STK32A: variants seen among roughly 807,000 people sequenced by gnomAD.
STK32A encodes serine/threonine-protein kinase 32A.
A neutral mutation model predicts 53.2 loss-of-function variants in STK32A; 41 were observed. The observed-to-expected ratio is 0.77, with a 90% CI of 0.60 to 1.00. The LOEUF (loss-of-function observed/expected upper bound fraction) is 1.00, where lower values mean the gene tolerates loss of function less well. Ranked by LOEUF, STK32A falls within the 50% of genes least tolerant of loss-of-function variation. The pLI, the probability that STK32A is intolerant of heterozygous loss-of-function variation, is 0.00. For missense variants in STK32A, 458 were observed against 485.8 expected, an observed-to-expected ratio of 0.94 and a Z score of 0.54; for synonymous variants, 166 against 162.8, an observed-to-expected ratio of 1.02 and a Z score of -0.15.
At chr5:147,252,742 C>G (rs540562287) in intron 2 of STK32A, among the ~76,000 whole-genome samples, 1 of 152,306 alleles carries the variant, frequency 6.6e-6, no homozygotes, top group East Asian at 1.9e-4. Context: ...CATCTCCATT[C>G]TAGCAGCCCT....
chr5:147,276,014 G>A (rs186452909), intron 2 of STK32A, among the ~76,000 whole-genome samples: 3 of 152,288 alleles, frequency 2.0e-5, no homozygotes, highest in Admixed American at 2.0e-4. Context: ...AGGCTAGACT[G>A]GCAGTGGAGA....
chr5:147,312,430 G>A (rs1753749508), intron 4 of STK32A, among the ~76,000 whole-genome samples: 1 of 152,088 alleles, frequency 6.6e-6, no homozygotes, highest in Admixed American at 6.6e-5. Flanking sequence ...ATATTATATG[G>A]TAGTTCTCTC....
intron 1 of STK32A, 72 bp downstream of exon 1, chr5:147,235,271 G>T (rs1469053257): frequency 1.3e-5 from 2 of 152,364 alleles, no homozygotes; most frequent in Non-Finnish European, 2.9e-5. Context: ...GGGAAGCTAG[G>T]AAGTGCAAGG....
At chr5:147,243,750 G>C (rs892084410) in intron 2 of STK32A, among the ~76,000 whole-genome samples, 1 of 113,118 alleles carries the variant, frequency 8.8e-6, no homozygotes, top group Admixed American at 9.0e-5. Context: ...AAAAAAAACG[G>C]CTTGCTTATT....
intron 2 of STK32A, among the ~76,000 whole-genome samples, chr5:147,276,532 G>A (rs972426564): frequency 2.0e-5 from 3 of 152,098 alleles, no homozygotes; most frequent in Non-Finnish European, 4.4e-5. Flanking sequence ...TTGTTCTGGG[G>A]TTCTTGTGTA....
intron 2 of STK32A, among the ~76,000 whole-genome samples, chr5:147,267,936 G>A (rs887752309): frequency 1.3e-5 from 2 of 152,114 alleles, no homozygotes; most frequent in Non-Finnish European, 2.9e-5. Flanking sequence ...TCCCACCTTA[G>A]AACTCCTATA....
intron 2 of STK32A, among the ~76,000 whole-genome samples, chr5:147,254,757 AATCGGACTGAGTTAGGGTGGAGCAGGTG>A (rs1754150515): frequency 6.6e-6 from 1 of 152,186 alleles, no homozygotes; most frequent in South Asian, 2.1e-4. Context: ...GATAGCAGGT[AATCGGACTGAGTTAGGGTGGAGCAGGTG>A]ATCTGAATGA....
intron 10 of STK32A, among the ~76,000 whole-genome samples, chr5:147,374,387 T>C (rs1473670666): frequency 6.6e-6 from 1 of 151,736 alleles, no homozygotes; most frequent in Non-Finnish European, 1.5e-5. Flanking sequence ...CATGCTCCAA[T>C]GAGAGGGTAA....
Position 147,309,307 on chromosome 5 carries a change from G to A in STK32A, c.261-14591G>A, listed in dbSNP as rs1018535958. On this transcript the variant is annotated intron_variant, in intron 4 of 12. Coordinates refer to ENST00000397936, the MANE Select transcript of STK32A (RefSeq NM_001112724.2). ...TGCCATTGCCTGTGTTTTCCCTGTG[G>A]TATATGAGGCCATCCACTGAGAATG... Among the ~76,000 whole-genome samples the A allele has an allele frequency of 3.9e-5, 6 of 152,262 alleles. No homozygotes were observed. The East Asian group carries it at 1.2e-3, about 29-fold the overall frequency.
At chr5:147,396,953 C>G in the STK32A span, among the ~76,000 whole-genome samples, 1 of 112,074 alleles carries the variant, frequency 8.9e-6, no homozygotes, top group South Asian at 2.9e-4. Flanking sequence ...TTTATTTATA[C>G]GCATTTTTGT....
intron 9 of STK32A, among the ~76,000 whole-genome samples, chr5:147,371,759 A>T (rs1413571575): frequency 6.6e-6 from 1 of 152,194 alleles, no homozygotes; most frequent in Non-Finnish European, 1.5e-5. Context: ...AACTCAAGTC[A>T]CAAGGTGTCT....
At chr5:147,397,299 A>G in the STK32A span, among the ~76,000 whole-genome samples, 1 of 152,174 alleles carries the variant, frequency 6.6e-6, no homozygotes, top group African/African-American at 2.4e-5. Flanking sequence ...GCAGCACTGG[A>G]CAGAATGACA....
chr5:147,333,939 T>C (rs1754994038), intron 5 of STK32A, among the ~76,000 whole-genome samples: 1 of 152,188 alleles, frequency 6.6e-6, no homozygotes, highest in Admixed American at 6.5e-5. Flanking sequence ...ATAAACTGAA[T>C]TTCTTTAAAT....
chr5:147,274,725 A>G (rs184134564), intron 2 of STK32A, among the ~76,000 whole-genome samples: 1 of 152,204 alleles, frequency 6.6e-6, no homozygotes, highest in African/African-American at 2.4e-5. Context: ...GACCCATTTC[A>G]TCTTCTTATA....
intron 11 of STK32A, among the ~76,000 whole-genome samples, chr5:147,380,858 A>C (rs1757424363): frequency 6.6e-6 from 1 of 152,238 alleles, no homozygotes; most frequent in Non-Finnish European, 1.5e-5. Context: ...CCTCCAAGCT[A>C]CATTTACAAT....
chr5:147,380,907 G>T (rs1366258353), intron 11 of STK32A, among the ~76,000 whole-genome samples: 1 of 152,110 alleles, frequency 6.6e-6, no homozygotes, highest in Non-Finnish European at 1.5e-5. Context: ...TTTTAAATAT[G>T]TATTAGCCTC....
chr5:147,246,760 G>T (rs1271582784), intron 2 of STK32A, among the ~76,000 whole-genome samples: 1 of 152,130 alleles, frequency 6.6e-6, no homozygotes, highest in African/African-American at 2.4e-5. Context: ...ATCAAAAGTG[G>T]TTATGCTCCT....
rs972027443 is a variant in STK32A at position 147,357,047 on chromosome 5, G to A, written c.563-4470G>A. Among the ~76,000 whole-genome samples the A allele has an allele frequency of 2.6e-5, 4 of 151,980 alleles. No homozygotes were observed. The East Asian group carries it at 5.8e-4, about 22-fold the overall frequency. On this transcript the variant is annotated intron_variant, in intron 7 of 12. Coordinates refer to ENST00000397936, the MANE Select transcript of STK32A (RefSeq NM_001112724.2). ...AGTAATGTGGGTAATGTGAGGTAAG[G>A]CACATGTTAATTAGCTCTATTCAGC...
At chr5:147,334,471 A>G (rs529605291) in intron 5 of STK32A, among the ~76,000 whole-genome samples, 1 of 152,288 alleles carries the variant, frequency 6.6e-6, no homozygotes, top group South Asian at 2.1e-4. Context: ...AGTGTTTTGA[A>G]TATTAACCCT....
Sources: gnomAD v4.1 joint callset for allele counts (sites outside exome capture counted in the v4.1 genomes callset) on GRCh38, gnomAD v4.1.1 for gene constraint, MANE v1.5 for transcripts, NCBI Gene and HGNC (gene_info 2026-07-23, HGNC 2026-07-21) for gene names.